Variants in NREP observed in about 807,000 individuals in gnomAD.
NREP encodes the protein neuronal regeneration related protein, also known as neuronal regeneration-related protein.
NREP carries 5 observed loss-of-function variants against 8.6 expected under a neutral mutation model. The ratio of observed to expected loss-of-function variants is 0.58; its 90% CI spans 0.30 to 1.22. The LOEUF (loss-of-function observed/expected upper bound fraction) is 1.22, where lower values mean the gene tolerates loss of function less well. NREP is among the 50% of genes most tolerant of loss of function. The pLI is 0.07. For synonymous variants in NREP, 27 were observed against 28.0 expected, an observed-to-expected ratio of 0.96 and a Z score of 0.11; for missense variants, 86 against 82.5, an observed-to-expected ratio of 1.04 and a Z score of -0.17.
chr5:111,817,063 A>G (rs1321962651), intron 2 of NREP, among the ~76,000 whole-genome samples: 1 of 152,164 alleles, frequency 6.6e-6, no homozygotes, highest in Non-Finnish European at 1.5e-5. Context: ...TAATTATGCT[A>G]TTTAAACTTT....
At chr5:111,964,296 G>A (rs1756565383) in intron 2 of NREP, among the ~76,000 whole-genome samples, 1 of 152,160 alleles carries the variant, frequency 6.6e-6, no homozygotes, top group African/African-American at 2.4e-5. Context: ...ATTTGTTCAT[G>A]TCATTGCTGT....
At chr5:111,761,323 C>T (rs1158628034), upstream of NREP, among the ~76,000 whole-genome samples, 1 of 152,174 alleles carries the variant, frequency 6.6e-6, no homozygotes, top group African/African-American at 2.4e-5. Flanking sequence ...GGCACTTTTG[C>T]AGTGAGTTAC....
chr5:111,784,675 A>T (rs1465002994), intron 2 of NREP, among the ~76,000 whole-genome samples: 1 of 152,152 alleles, frequency 6.6e-6, no homozygotes, highest in Non-Finnish European at 1.5e-5. Context: ...TAGTATATTA[A>T]TATGCATTTT....
At chr5:111,857,003 C>A (rs1355061158) in intron 2 of NREP, among the ~76,000 whole-genome samples, 1 of 152,078 alleles carries the variant, frequency 6.6e-6, no homozygotes, top group Non-Finnish European at 1.5e-5. Flanking sequence ...TTCAGTTTAG[C>A]CTTTTTGTAA....
intron 2 of NREP, among the ~76,000 whole-genome samples, chr5:111,893,474 G>A (rs1754439586): frequency 6.6e-6 from 1 of 151,448 alleles, no homozygotes; most frequent in Non-Finnish European, 1.5e-5. Context: ...CCTTTTAAAA[G>A]GTTTCTGGTG....
At chr5:111,884,417 C>A (rs1277783257) in intron 2 of NREP, among the ~76,000 whole-genome samples, 1 of 151,910 alleles carries the variant, frequency 6.6e-6, no homozygotes, top group Non-Finnish European at 1.5e-5. Context: ...TGGTACCATT[C>A]CTTCTGAAAC....
Position 111,779,077 on chromosome 5 carries a change from T to C in NREP, c.136-43570A>G, listed in dbSNP as rs181492876. 1.2e-3 allele frequency among the ~76,000 whole-genome samples: 187 copies of C among 152,300 alleles called. 1 individual carries two copies. Among genetic ancestry groups the C allele is most frequent in the Non-Finnish European group, 1.1e-3 (78 of 68,020 alleles). ...CCCAAAAAAGAGTACATAAACTTAT[T>C]TGAAAATTTATTTGAAATATATGAA... On this transcript the variant is annotated intron_variant, in intron 2 of 3. Transcript: ENST00000395634.
At chr5:111,971,807 A>T (rs898352225) in intron 2 of NREP, among the ~76,000 whole-genome samples, 2 of 152,184 alleles carry the variant, frequency 1.3e-5, no homozygotes, top group African/African-American at 4.8e-5. Context: ...CTAAGAAACA[A>T]AAAGCTCCTT....
rs542107430 is a variant in NREP, at chr5:111,946,121, C to T, written c.135+29153G>A. ...ACACACATAAGAAAATAAATTTGAA[C>T]GAGCTAGTGAGCAGGATAATCTAAT... On this transcript the variant is annotated intron_variant, in intron 2 of 3. Coordinates refer to the NREP transcript ENST00000395634. Among the ~76,000 whole-genome samples the T allele has an allele frequency of 4.7e-5, 7 of 150,132 alleles. No individual in the cohort carries two copies. The East Asian group carries it at 5.9e-4, about 13-fold the overall frequency.
intron 2 of NREP, among the ~76,000 whole-genome samples, chr5:111,917,887 G>T (rs1755110063): frequency 6.6e-6 from 1 of 152,058 alleles, no homozygotes. Flanking sequence ...AGAAATAAAA[G>T]GTATTCAGTT....
intron 2 of NREP, among the ~76,000 whole-genome samples, chr5:111,740,863 T>G (rs1273544125): frequency 6.6e-6 from 1 of 152,216 alleles, no homozygotes; most frequent in East Asian, 1.9e-4. Flanking sequence ...GTTTCTAAAT[T>G]TGTATTTTCC....
intron 2 of NREP, among the ~76,000 whole-genome samples, chr5:111,964,890 A>AAAAAAAAAAC (rs1561372291): frequency 7.4e-6 from 1 of 135,848 alleles, no homozygotes; most frequent in Non-Finnish European, 1.5e-5. Flanking sequence ...AAAAAAAAAA[A>AAAAAAAAAAC]AAAAAGAAAC....
At chr5:111,731,309 G>C (rs928684200) in intron 3 of NREP, among the ~76,000 whole-genome samples, 30 of 152,086 alleles carry the variant, frequency 2.0e-4, no homozygotes, top group African/African-American at 6.7e-4. Context: ...GGTGGTGCCA[G>C]CCATGTGTGA....
At position 111,767,403 on chromosome 5, in the gene NREP, C is replaced by T. The variant is rs538713051; in HGVS notation, c.136-31896G>A. Among the ~76,000 whole-genome samples the T allele has an allele frequency of 2.0e-5, 3 of 152,284 alleles. No individual in the cohort carries two copies. In the East Asian group the frequency reaches 5.8e-4, roughly 29 times the overall value. ...TAAACAGCAGCAGAAATCTCTCTAA[C>T]ACAGACATCTTTCCCTTTGTCTAAG... On this transcript the variant is annotated intron_variant, in intron 2 of 3. Transcript: ENST00000395634.
At chr5:111,793,299 G>A (rs1271336387) in intron 2 of NREP, among the ~76,000 whole-genome samples, 2 of 152,036 alleles carry the variant, frequency 1.3e-5, no homozygotes, top group African/African-American at 4.8e-5. Flanking sequence ...CCCACAACAC[G>A]CCATCTGCAA....
intron 2 of NREP, among the ~76,000 whole-genome samples, chr5:111,868,027 G>A (rs1307224353): frequency 1.3e-5 from 2 of 151,652 alleles, no homozygotes; most frequent in African/African-American, 4.8e-5. Context: ...GTCTTATAAA[G>A]TTCAAGAAAG....
intron 3 of NREP, 49 bp downstream of exon 3, chr5:111,735,380 TG>T (rs761479918): frequency 7.9e-7 from 1 of 1,273,676 alleles, no homozygotes; most frequent in East Asian, 2.3e-5. Flanking sequence ...TTAAAACAAT[TG>T]TTTCTATATT....
chr5:111,782,409 G>A (rs1213358108), intron 2 of NREP, among the ~76,000 whole-genome samples: 1 of 152,172 alleles, frequency 6.6e-6, no homozygotes, highest in Non-Finnish European at 1.5e-5. Context: ...GCATGTGTTG[G>A]AGTATAAATG....
intron 2 of NREP, among the ~76,000 whole-genome samples, chr5:111,770,048 A>G (rs758182617): frequency 6.6e-6 from 1 of 152,216 alleles, no homozygotes; most frequent in Non-Finnish European, 1.5e-5. Context: ...TGACTGGACT[A>G]TAGTGAGCAA....
Sources: allele counts gnomAD v4.1 joint callset (sites outside exome capture counted in the v4.1 genomes callset), GRCh38; gene constraint gnomAD v4.1.1; transcripts MANE v1.5; gene names NCBI Gene and HGNC (gene_info 2026-07-23, HGNC 2026-07-21).